The following TTC13 variants were observed in gnomAD, a reference collection of about 807,000 sequenced individuals.
TTC13 encodes the protein tetratricopeptide repeat protein 13.
In TTC13, 62 loss-of-function variants were observed where a neutral mutation model predicts 120.0. The observed-to-expected ratio is 0.52, with a 90% CI of 0.42 to 0.64. TTC13 has a LOEUF of 0.64. Among genes scored for constraint, TTC13 ranks in the 30% least tolerant of loss-of-function variants. The pLI is 0.00. For synonymous variants in TTC13, 384 were observed against 393.5 expected (o/e 0.98, Z 0.28); for missense variants, 824 against 1,050.2 (o/e 0.78, Z 2.98).
chr1:230,945,684 G>C (rs1168104888), intron 4 of TTC13, among the ~76,000 whole-genome samples: 3 of 152,050 alleles, frequency 2.0e-5, no homozygotes, highest in African/African-American at 7.2e-5. Context: ...AGAGAGAAGG[G>C]AACCAACATT....
At chr1:230,910,029 C>T (rs1043893279) in intron 20 of TTC13, among the ~76,000 whole-genome samples, 10 of 152,122 alleles carry the variant, frequency 6.6e-5, no homozygotes, top group Non-Finnish European at 1.2e-4. Flanking sequence ...TTGTGCTTTT[C>T]CCAAAACAAA....
intron 1 of TTC13, among the ~76,000 whole-genome samples, chr1:230,973,821 T>C (rs1677998067): frequency 6.6e-6 from 1 of 152,178 alleles, no homozygotes; most frequent in Admixed American, 6.5e-5. Context: ...CTCACGCCTG[T>C]AATTCCAGCA....
At chr1:230,916,133 A>G in intron 18 of TTC13, 60 bp downstream of exon 18, 6 of 1,263,974 alleles carry the variant, frequency 4.7e-6, no homozygotes, top group Non-Finnish European at 7.0e-6. Context: ...AGTGACAATA[A>G]GCACAGGCAC....
intron 14 of TTC13, among the ~76,000 whole-genome samples, chr1:230,924,395 C>T (rs945557006): frequency 4.6e-5 from 7 of 152,140 alleles, no homozygotes; most frequent in African/African-American, 1.2e-4. Flanking sequence ...TGCAGTGGCG[C>T]GATCTCGGCT....
chr1:230,920,522 A>G lies in TTC13; in HGVS notation c.1971T>C (p.Leu657=), dbSNP rs1361680612. The G allele has an allele frequency of 6.2e-7, 1 of 1,612,044 alleles. No individual in the cohort carries two copies. Among genetic ancestry groups the G allele is most frequent in the Non-Finnish European group, 8.5e-7 (1 of 1,179,038 alleles). The change falls in exon 17 of 23, where the codon CTT becomes CTC. Residue 657 remains leucine (L), a synonymous_variant. Transcript: ENST00000366661. ...LEKVHKVEDL[L]PIMKQFNTKT... Reference sequence around the variant, plus strand: ...ATGCTAAAGTTACCTTCATAATCGGAAGAAGGTCTTCTACTTTGTGTACCT... The same window carrying G: ...ATGCTAAAGTTACCTTCATAATCGGGAGAAGGTCTTCTACTTTGTGTACCT...
At position 230,978,572 on chromosome 1, in the gene TTC13, C is replaced by T. The variant is rs1306017478; in HGVS notation, c.259G>A (p.Ala87Thr). ...QSGDWGDQYS[A>T]ECGESSFLNF... Reference sequence around the variant, plus strand: ...GCCGCCCACTCACCGCCGCACTCGGCAGAGTACTGGTCCCCCCAGTCCCCG... The same window carrying T: ...GCCGCCCACTCACCGCCGCACTCGGTAGAGTACTGGTCCCCCCAGTCCCCG... The change falls in exon 1 of 23, where the codon GCC becomes ACC. Residue 87 changes from alanine to threonine, a missense_variant. Physicochemically the swap from Ala to Thr is moderately conservative, Grantham distance 58 (BLOSUM62 0). This residue lies in a region of TTC13 where 160 missense variants were observed against 137.2 expected (regional missense o/e 1.17). Coordinates refer to ENST00000366661, the MANE Select transcript of TTC13 (RefSeq NM_024525.5). The surrounding 1 kb of genome is among the most constrained non-coding windows in gnomAD (Gnocchi z 5.6). 9.6e-6 allele frequency: 12 copies of T among 1,245,568 alleles called. No individual in the cohort carries two copies. The South Asian group carries it at 1.9e-4, about 20-fold the overall frequency. 77.2% of individuals were successfully genotyped at this position (1,245,568 alleles called of 1,614,324 possible).
At chr1:230,958,413 GAAGC>G in intron 2 of TTC13, 114 bp from the exon 3 acceptor site, 1 of 1,245,684 alleles carries the variant, frequency 8.0e-7, no homozygotes, top group Non-Finnish European at 1.1e-6. Context: ...GATTTAAGTG[GAAGC>G]AAGAAAATGC....
At chr1:230,948,168 A>G (rs1042436716) in intron 4 of TTC13, among the ~76,000 whole-genome samples, 34 of 152,130 alleles carry the variant, frequency 2.2e-4, no homozygotes, top group African/African-American at 7.7e-4. Flanking sequence ...AACTTTTTAA[A>G]CTCCAAATCA....
intron 8 of TTC13, among the ~76,000 whole-genome samples, chr1:230,937,302 C>A (rs1674156269): frequency 6.6e-6 from 1 of 152,094 alleles, no homozygotes; most frequent in Admixed American, 6.5e-5. Flanking sequence ...AAACCGTTTG[C>A]ATTTGTTTAC....
intron 17 of TTC13, 142 bp downstream of exon 17, chr1:230,920,368 C>T (rs755713608): frequency 3.5e-4 from 191 of 545,784 alleles, no homozygotes; most frequent in Non-Finnish European, 5.8e-4. Context: ...CCTGTAGGTT[C>T]TTTTATTTTG....
At chr1:230,969,247 G>A (rs1000023806) in intron 1 of TTC13, among the ~76,000 whole-genome samples, 9 of 146,032 alleles carry the variant, frequency 6.2e-5, no homozygotes, top group African/African-American at 2.3e-4. Flanking sequence ...GGGTGACAAA[G>A]CGACACTCCA....
chr1:230,916,931 A>G (rs1346197497), intron 17 of TTC13, among the ~76,000 whole-genome samples: 1 of 152,238 alleles, frequency 6.6e-6, no homozygotes, highest in Non-Finnish European at 1.5e-5. Flanking sequence ...CAAACCTGCA[A>G]TGGCAATAAA....
intron 19 of TTC13, 99 bp from the exon 20 acceptor site, chr1:230,911,648 G>C: frequency 1.5e-6 from 1 of 645,428 alleles, no homozygotes; most frequent in Non-Finnish European, 2.5e-6. Flanking sequence ...ATCAAGAAGA[G>C]GATTGTTTTC....
intron 8 of TTC13, among the ~76,000 whole-genome samples, chr1:230,938,677 C>T (rs1433028906): frequency 6.6e-6 from 1 of 152,188 alleles, no homozygotes; most frequent in Non-Finnish European, 1.5e-5. Context: ...CAACCAATGT[C>T]ACCTAGTCAG....
At chr1:230,969,493 A>C (rs1387417483) in intron 1 of TTC13, among the ~76,000 whole-genome samples, 1 of 152,178 alleles carries the variant, frequency 6.6e-6, no homozygotes. Context: ...CTTATTCCTC[A>C]AGCCAAATAC....
chr1:230,931,511 G>T, intron 10 of TTC13, 39 bp from the exon 11 acceptor site: 1 of 1,602,228 alleles, frequency 6.2e-7, no homozygotes, highest in South Asian at 1.1e-5. Context: ...ACACAGTTTA[G>T]GAAAACTTTG....
At chr1:230,946,723 A>G (rs2102901550) in intron 4 of TTC13, among the ~76,000 whole-genome samples, 1 of 152,358 alleles carries the variant, frequency 6.6e-6, no homozygotes, top group East Asian at 1.9e-4. Flanking sequence ...GAGAGGTACA[A>G]GTCCATCAGT....
intron 8 of TTC13, among the ~76,000 whole-genome samples, chr1:230,934,907 A>C (rs893020962): frequency 6.6e-6 from 1 of 152,206 alleles, no homozygotes; most frequent in Non-Finnish European, 1.5e-5. Context: ...GGCACACAAA[A>C]TTGTTTTGCA....
chr1:230,952,983 G>A (rs1167488935), intron 4 of TTC13, among the ~76,000 whole-genome samples: 1 of 152,012 alleles, frequency 6.6e-6, no homozygotes, highest in Non-Finnish European at 1.5e-5. Context: ...CCTATTTTCT[G>A]CTGGATTCTA....
Sources: allele counts gnomAD v4.1 joint callset (sites outside exome capture counted in the v4.1 genomes callset), GRCh38; gene constraint gnomAD v4.1.1; regional missense constraint gnomAD v4.1.1; non-coding constraint Gnocchi (gnomAD v3.1); transcripts MANE v1.5; gene names NCBI Gene and HGNC (gene_info 2026-07-23, HGNC 2026-07-21).